The following CLVS2 variants were observed in gnomAD, a reference collection of about 807,000 sequenced individuals.
CLVS2 encodes the protein clavesin 2.
A neutral mutation model predicts 29.0 loss-of-function variants in CLVS2; 19 were observed. That is an observed-to-expected ratio of 0.66 (90% confidence interval 0.46 to 0.96). The LOEUF (loss-of-function observed/expected upper bound fraction) is 0.96, where lower values mean the gene tolerates loss of function less well. Ranked by LOEUF, CLVS2 falls within the 40% of genes least tolerant of loss-of-function variation. The pLI, the probability that CLVS2 is intolerant of heterozygous loss-of-function variation, is 0.00. For missense variants in CLVS2, 294 were observed against 404.1 expected (o/e 0.73, Z 2.34); for synonymous variants, 161 against 151.3 (o/e 1.06, Z -0.47).
rs1278179340 is a variant in CLVS2, at chr6:123,066,299, A to G, written c.*2538A>G. On this transcript the variant is annotated 3_prime_UTR_variant, in exon 6 of 6. Transcript: ENST00000275162. ...ACACTATAGTTGTATGCCTATAAGC[A>G]CTCCTATACTCTTGTATTTTAATTG... 6.6e-6 allele frequency: 1 copy of G among 151,242 alleles called. No homozygotes were observed. The highest frequency in any genetic ancestry group is 1.5e-5 in the Non-Finnish European group (1 of 67,660). 9.4% of individuals were successfully genotyped at this position (151,242 alleles called of 1,614,324 possible).
In CLVS2 at chr6:123,055,838, A is replaced by G; in HGVS notation, c.708A>G (p.Leu236=). 1.2e-6 allele frequency: 2 copies of G among 1,613,950 alleles called. No individual in the cohort carries two copies. The highest frequency in any genetic ancestry group is 3.3e-5 in the Admixed American group (2 of 60,016). Reference sequence around the variant, plus strand: ...TGCATGGTAACAACCTGAACAGTCTACACCAACTAATTCATCCTGAGATCC... The same window carrying G: ...TGCATGGTAACAACCTGAACAGTCTGCACCAACTAATTCATCCTGAGATCC... ...IFLHGNNLNS[L]HQLIHPEILP... The change falls in exon 5 of 6, where the codon CTA becomes CTG. Residue 236 remains leucine, a synonymous_variant. Transcript: ENST00000275162.
Position 122,996,276 on chromosome 6 carries a change from C to G in CLVS2, c.-1030C>G, listed in dbSNP as rs1431411792. On this transcript the variant is annotated 5_prime_UTR_variant, in exon 1 of 6. Transcript: ENST00000275162. ...AGCAGCCGGAGCCGCCGCCGCAGCCCGGTGGGGCAACCCTGACTCGGACCG... is the reference window on the plus strand; with the variant it reads ...AGCAGCCGGAGCCGCCGCCGCAGCCGGGTGGGGCAACCCTGACTCGGACCG... 1.3e-5 allele frequency: 2 copies of G among 155,010 alleles called. No individual in the cohort carries two copies. The highest frequency in any genetic ancestry group is 1.4e-5 in the Non-Finnish European group (1 of 71,060). 9.6% of individuals were successfully genotyped at this position (155,010 alleles called of 1,614,324 possible).
At chr6:123,041,857 A>G (rs1206492291) in intron 3 of CLVS2, among the ~76,000 whole-genome samples, 1 of 152,192 alleles carries the variant, frequency 6.6e-6, no homozygotes, top group Admixed American at 6.5e-5. Flanking sequence ...CAATTTAAAA[A>G]TTAATGCTAA....
chr6:123,050,924 C>T (rs1028265473), intron 4 of CLVS2, among the ~76,000 whole-genome samples: 2 of 152,134 alleles, frequency 1.3e-5, no homozygotes, highest in Non-Finnish European at 2.9e-5. Flanking sequence ...AACCTAGAAG[C>T]ATGCACTGCT....
chr6:123,019,548 A>G (rs1356155713), intron 3 of CLVS2, among the ~76,000 whole-genome samples: 1 of 151,996 alleles, frequency 6.6e-6, no homozygotes, highest in African/African-American at 2.4e-5. Flanking sequence ...AACAAATGCA[A>G]TACACCTGTG....
At chr6:123,027,602 G>A (rs1446352168) in intron 3 of CLVS2, among the ~76,000 whole-genome samples, 3 of 152,130 alleles carry the variant, frequency 2.0e-5, no homozygotes, top group Non-Finnish European at 4.4e-5. Flanking sequence ...TCTTCTGAAA[G>A]CATGATCTCT....
At chr6:123,018,366 GA>G (rs1360406441) in intron 3 of CLVS2, among the ~76,000 whole-genome samples, 1 of 151,920 alleles carries the variant, frequency 6.6e-6, no homozygotes, top group Non-Finnish European at 1.5e-5. Flanking sequence ...TATCCTTTTA[GA>G]ACACTAGGAC....
At chr6:123,004,640 CG>C (rs1477527513) in intron 2 of CLVS2, among the ~76,000 whole-genome samples, 1 of 152,134 alleles carries the variant, frequency 6.6e-6, no homozygotes, top group Non-Finnish European at 1.5e-5. Context: ...AGGCCAGGCA[CG>C]GTGGCTCACG....
intron 2 of CLVS2, among the ~76,000 whole-genome samples, chr6:123,007,365 C>T (rs772542800): frequency 2.0e-5 from 3 of 152,002 alleles, no homozygotes; most frequent in Admixed American, 6.6e-5. Flanking sequence ...GACTAAGCTG[C>T]GATTAGGCAA....
chr6:122,999,047 A>C (rs1774552073), intron 2 of CLVS2, among the ~76,000 whole-genome samples: 1 of 152,238 alleles, frequency 6.6e-6, no homozygotes, highest in Admixed American at 6.5e-5. Context: ...GAAATTATAA[A>C]AGGCTCTTGT....
Position 123,004,963 on chromosome 6 carries a change from AAC to A in CLVS2, c.390-6021_390-6020del, listed in dbSNP as rs1554200724. Among the ~76,000 whole-genome samples the A allele has an allele frequency of 1.1e-4, 15 of 141,010 alleles. No individual in the cohort carries two copies. The South Asian group carries it at 2.1e-3, about 20-fold the overall frequency. 92.5% of individuals were successfully genotyped at this position (141,010 alleles called of 152,430 possible). ...AAAAACAAAAAACAAAAAAAAAAAA[AAC>A]CAATTATCTATTCATCAAACTCTGT... is the stretch of plus-strand genomic sequence containing the variant. On this transcript the variant is annotated intron_variant, in intron 2 of 5. Transcript: ENST00000275162.
chr6:123,024,939 C>T (rs1192692619), intron 3 of CLVS2, among the ~76,000 whole-genome samples: 1 of 152,034 alleles, frequency 6.6e-6, no homozygotes, highest in East Asian at 1.9e-4. Flanking sequence ...AAAAGAAATT[C>T]AAAGGATGAG....
intron 3 of CLVS2, among the ~76,000 whole-genome samples, chr6:123,012,702 C>T (rs1774767651): frequency 6.6e-6 from 1 of 151,966 alleles, no homozygotes; most frequent in South Asian, 2.1e-4. Flanking sequence ...CAGATGAAAC[C>T]TCTGTGCTTA....
At chr6:123,060,066 C>CAGGACAAG (rs1267874064) in intron 5 of CLVS2, among the ~76,000 whole-genome samples, 1 of 152,194 alleles carries the variant, frequency 6.6e-6, no homozygotes. Flanking sequence ...GTTCGCCATC[C>CAGGACAAG]AGGACAAGAG....
intron 2 of CLVS2, among the ~76,000 whole-genome samples, chr6:123,009,508 T>G (rs1266449068): frequency 2.0e-5 from 3 of 152,082 alleles, no homozygotes; most frequent in Non-Finnish European, 4.4e-5. Flanking sequence ...ATCCAAGTGT[T>G]TTTAGAAGTA....
intron 3 of CLVS2, among the ~76,000 whole-genome samples, chr6:123,018,749 A>G (rs1171900893): frequency 1.3e-5 from 2 of 151,482 alleles, no homozygotes; most frequent in African/African-American, 4.8e-5. Flanking sequence ...AACTCACAAG[A>G]GAAATGCCTC....
intron 3 of CLVS2, among the ~76,000 whole-genome samples, chr6:123,034,280 C>A (rs572699377): frequency 2.0e-5 from 3 of 152,188 alleles, no homozygotes; most frequent in African/African-American, 7.2e-5. Flanking sequence ...TGGCTTCATT[C>A]ATAATAGCCA....
Position 123,055,963 on chromosome 6 carries a change from T to A in CLVS2, c.833T>A (p.Val278Glu). Residue 278 changes from valine (V) to glutamate (E), a missense_variant, in exon 5 of 6, where the codon GTA becomes GAA. This residue lies in a region of CLVS2 where 82 missense variants were observed against 67.8 expected (regional missense o/e 1.21). Coordinates refer to ENST00000275162, the MANE Select transcript of CLVS2 (RefSeq NM_001010852.4). ...TATGACGATGACAGCGAGTACAATG[T>A]AGACTCCTACAGCATGCCTGTGAAG... is the stretch of plus-strand genomic sequence containing the variant. ...HEYDDDSEYN[V>E]DSYSMPVKEV... The A allele has an allele frequency of 6.2e-7, 1 of 1,614,036 alleles. No homozygotes were observed. Among genetic ancestry groups the A allele is most frequent in the Non-Finnish European group, 8.5e-7 (1 of 1,179,974 alleles).
intron 2 of CLVS2, among the ~76,000 whole-genome samples, chr6:123,009,241 T>A (rs1774715801): frequency 6.6e-6 from 1 of 152,056 alleles, no homozygotes; most frequent in South Asian, 2.1e-4. Context: ...TAGGGACAGT[T>A]AACTGATCCT....
Sources: gnomAD v4.1 joint callset for allele counts (sites outside exome capture counted in the v4.1 genomes callset) on GRCh38, gnomAD v4.1.1 for gene constraint, gnomAD v4.1.1 regional missense constraint, MANE v1.5 for transcripts, NCBI Gene and HGNC (gene_info 2026-07-23, HGNC 2026-07-21) for gene names.